Variants in C8orf34 observed in about 807,000 individuals in gnomAD.
C8orf34 encodes the protein uncharacterized protein C8orf34.
In C8orf34, 65 loss-of-function variants were observed where a neutral mutation model predicts 68.3. That is an observed-to-expected ratio of 0.95 (90% CI 0.78 to 1.17). C8orf34 has a LOEUF of 1.17. Ranked by LOEUF, C8orf34 falls within the 50% of genes most tolerant of loss-of-function variation. C8orf34 has a pLI of 0.00. For synonymous variants in C8orf34, 244 were observed against 241.2 expected (o/e 1.01, Z -0.11); for missense variants, 664 against 655.4 (o/e 1.01, Z -0.14).
chr8:68,422,777 T>A (rs1199076215), intron 1 of C8orf34, among the ~76,000 whole-genome samples: 5 of 152,230 alleles, frequency 3.3e-5, no homozygotes, highest in African/African-American at 1.2e-4. Flanking sequence ...GCAGCAAACT[T>A]CTGCCTGGAC....
intron 12 of C8orf34, 68 bp downstream of exon 12, chr8:68,787,604 C>T: frequency 9.1e-7 from 1 of 1,097,260 alleles, no homozygotes; most frequent in Non-Finnish European, 1.3e-6. Flanking sequence ...AAAGCTATTT[C>T]ACTTTCATAG....
At chr8:68,338,279 C>T (rs1172400793) in intron 1 of C8orf34, among the ~76,000 whole-genome samples, 1 of 152,154 alleles carries the variant, frequency 6.6e-6, no homozygotes, top group Non-Finnish European at 1.5e-5. Flanking sequence ...AAAGACCTCA[C>T]TTATAAACCC....
At chr8:68,816,007 C>A in intron 13 of C8orf34, 62 bp downstream of exon 13, 1 of 1,612,034 alleles carries the variant, frequency 6.2e-7, no homozygotes, top group Non-Finnish European at 8.5e-7. Flanking sequence ...TCTAAAACTG[C>A]TCAGGATTTG....
intron 1 of C8orf34, among the ~76,000 whole-genome samples, chr8:68,339,875 C>T (rs1164960120): frequency 6.6e-6 from 1 of 151,794 alleles, no homozygotes; most frequent in Non-Finnish European, 1.5e-5. Flanking sequence ...GACTATATAT[C>T]TGAAAAAGGA....
At chr8:68,382,393 T>C (rs1808080862) in intron 1 of C8orf34, among the ~76,000 whole-genome samples, 1 of 152,230 alleles carries the variant, frequency 6.6e-6, no homozygotes, top group East Asian at 1.9e-4. Flanking sequence ...GAAATAATTA[T>C]ACAATGAACT....
At chr8:68,801,819 T>C (rs1364740029) in intron 12 of C8orf34, among the ~76,000 whole-genome samples, 1 of 151,786 alleles carries the variant, frequency 6.6e-6, no homozygotes, top group Non-Finnish European at 1.5e-5. Context: ...TAATAAATAG[T>C]AAAATTAAAA....
intron 5 of C8orf34, among the ~76,000 whole-genome samples, chr8:68,514,992 G>A (rs1467583180): frequency 6.6e-6 from 1 of 152,170 alleles, no homozygotes; most frequent in African/African-American, 2.4e-5. Flanking sequence ...ATATGAGTCA[G>A]AATGAGAAAG....
At chr8:68,603,582 G>A (rs147088461) in intron 7 of C8orf34, among the ~76,000 whole-genome samples, 3 of 121,938 alleles carry the variant, frequency 2.5e-5, no homozygotes, top group African/African-American at 1.2e-4. Context: ...TCTTTGATCT[G>A]CTTACTGGTA....
chr8:68,771,766 A>G (rs1303822081), intron 10 of C8orf34, among the ~76,000 whole-genome samples: 1 of 152,154 alleles, frequency 6.6e-6, no homozygotes, highest in Non-Finnish European at 1.5e-5. Context: ...GGGAGTGCTC[A>G]ATACATGTTT....
At chr8:68,647,555 C>T (rs576575706) in intron 8 of C8orf34, among the ~76,000 whole-genome samples, 27 of 152,220 alleles carry the variant, frequency 1.8e-4, no homozygotes, top group African/African-American at 5.8e-4. Context: ...ACACATTGTA[C>T]TGGGAATGAC....
intron 1 of C8orf34, among the ~76,000 whole-genome samples, chr8:68,432,456 G>A (rs1332391112): frequency 1.3e-5 from 2 of 151,900 alleles, no homozygotes; most frequent in East Asian, 3.9e-4. Context: ...GGTTACAGAT[G>A]CACACCACCA....
intron 10 of C8orf34, among the ~76,000 whole-genome samples, chr8:68,744,863 A>G (rs1822432144): frequency 6.6e-6 from 1 of 152,206 alleles, no homozygotes; most frequent in Non-Finnish European, 1.5e-5. Context: ...GCCAACATTC[A>G]GATTCAGGAA....
chr8:68,362,774 T>TA (rs1224063509), intron 1 of C8orf34, among the ~76,000 whole-genome samples: 1 of 150,180 alleles, frequency 6.7e-6, no homozygotes, highest in Non-Finnish European at 1.5e-5. Context: ...CAAAAGTAGA[T>TA]AAAACCACAA....
intron 8 of C8orf34, among the ~76,000 whole-genome samples, chr8:68,697,704 A>T (rs1033063582): frequency 2.0e-5 from 3 of 152,064 alleles, no homozygotes; most frequent in Non-Finnish European, 4.4e-5. Context: ...TATTGGAGCT[A>T]CTGATTTCCT....
intron 12 of C8orf34, among the ~76,000 whole-genome samples, chr8:68,810,534 T>G (rs1824616605): frequency 6.6e-6 from 1 of 152,050 alleles, no homozygotes. Flanking sequence ...GCCCGCAAGG[T>G]GGTGAGTGAG....
chr8:68,627,759 G>A (rs1818578392), intron 7 of C8orf34, among the ~76,000 whole-genome samples: 1 of 152,002 alleles, frequency 6.6e-6, no homozygotes, highest in Non-Finnish European at 1.5e-5. Flanking sequence ...AATAATGAGG[G>A]GTTCAATTAG....
At position 68,439,662 on chromosome 8, in the gene C8orf34, C is replaced by T; in HGVS notation, c.475+16C>T. The T allele has an allele frequency of 6.3e-7, 1 of 1,596,510 alleles. No individual in the cohort carries two copies. The highest frequency in any genetic ancestry group is 8.5e-7 in the Non-Finnish European group (1 of 1,174,318). ...GAAAAATCAGGTAAATGAAGAATGT[C>T]TATGCAGTTAATTTGGGATTCATTT... On this transcript the variant is annotated intron_variant, in intron 2 of 13. Coordinates refer to ENST00000518698, the MANE Select transcript of C8orf34 (RefSeq NM_052958.4).
chr8:68,703,375 A>T (rs2130941787), intron 8 of C8orf34, among the ~76,000 whole-genome samples: 1 of 152,220 alleles, frequency 6.6e-6, no homozygotes, highest in South Asian at 2.1e-4. Flanking sequence ...GTTATTTTAA[A>T]TTCAATCACA....
intron 8 of C8orf34, among the ~76,000 whole-genome samples, chr8:68,707,680 AT>A (rs1247545095): frequency 6.6e-6 from 1 of 152,032 alleles, no homozygotes; most frequent in Non-Finnish European, 1.5e-5. Context: ...GCCTCAAGTG[AT>A]CCACCTGCCT....
Sources: allele counts gnomAD v4.1 joint callset (sites outside exome capture counted in the v4.1 genomes callset), GRCh38; gene constraint gnomAD v4.1.1; transcripts MANE v1.5; gene names NCBI Gene and HGNC (gene_info 2026-07-23, HGNC 2026-07-21).